The following DTNBP1 variants were observed in gnomAD, a reference collection of about 807,000 sequenced individuals.
DTNBP1 encodes dysbindin.
A neutral mutation model predicts 42.8 loss-of-function variants in DTNBP1; 35 were observed. That is an observed-to-expected ratio of 0.82 (90% CI 0.63 to 1.09). The LOEUF is 1.09. DTNBP1 is among the 50% of genes least tolerant of loss of function. The pLI is 0.00. For missense variants in DTNBP1, 457 were observed against 424.2 expected (o/e 1.08, Z -0.68); for synonymous variants, 171 against 162.2 (o/e 1.05, Z -0.41).
chr6:15,646,531 T>C (rs911167312), intron 3 of DTNBP1, among the ~76,000 whole-genome samples: 1 of 151,468 alleles, frequency 6.6e-6, no homozygotes, highest in African/African-American at 2.4e-5. Context: ...AAAATTCATA[T>C]GGAATCAAAA....
intron 7 of DTNBP1, among the ~76,000 whole-genome samples, chr6:15,567,130 C>T (rs921013596): frequency 3.9e-5 from 6 of 152,122 alleles, no homozygotes; most frequent in Admixed American, 1.3e-4. Context: ...AGCGTAGCCA[C>T]CTATGAGTCT....
chr6:15,606,295 C>T (rs184986611), intron 6 of DTNBP1, among the ~76,000 whole-genome samples: 11 of 152,296 alleles, frequency 7.2e-5, no homozygotes, highest in Non-Finnish European at 1.5e-4. Context: ...TGGGAACGTC[C>T]GTCAAATGAA....
At chr6:15,596,410 T>C (rs1776517331) in intron 6 of DTNBP1, among the ~76,000 whole-genome samples, 1 of 152,222 alleles carries the variant, frequency 6.6e-6, no homozygotes, top group African/African-American at 2.4e-5. Flanking sequence ...ATTTGGCTTC[T>C]GGACCCCCCA....
chr6:15,645,267 C>T (rs1013658343), intron 3 of DTNBP1, among the ~76,000 whole-genome samples: 8 of 151,568 alleles, frequency 5.3e-5, no homozygotes, highest in Middle Eastern at 3.4e-3. Context: ...TAACAAGTTA[C>T]GAAATTCAAT....
intron 7 of DTNBP1, among the ~76,000 whole-genome samples, chr6:15,588,951 T>C (rs1561977439): frequency 6.6e-6 from 1 of 152,246 alleles, no homozygotes; most frequent in Non-Finnish European, 1.5e-5. Context: ...AATTATATAT[T>C]TGCCTTTCTA....
At chr6:15,551,666 C>T (rs755752196) in intron 7 of DTNBP1, among the ~76,000 whole-genome samples, 1 of 152,166 alleles carries the variant, frequency 6.6e-6, no homozygotes, top group Non-Finnish European at 1.5e-5. Flanking sequence ...CCATTGCTAC[C>T]ACACACTTGC....
chr6:15,552,955 A>G (rs1774295821), intron 7 of DTNBP1, among the ~76,000 whole-genome samples: 2 of 152,250 alleles, frequency 1.3e-5, no homozygotes, highest in Admixed American at 6.5e-5. Flanking sequence ...GTAAGAGGGT[A>G]TAAGATTCAG....
chr6:15,600,237 T>C (rs1221939844), intron 6 of DTNBP1, among the ~76,000 whole-genome samples: 12 of 152,188 alleles, frequency 7.9e-5, no homozygotes, highest in Admixed American at 7.9e-4. Flanking sequence ...GGCAGTTTAC[T>C]ATCAAAGATA....
At chr6:15,570,119 T>TGTTG (rs1291601157) in intron 7 of DTNBP1, among the ~76,000 whole-genome samples, 5 of 151,778 alleles carry the variant, frequency 3.3e-5, no homozygotes, top group Admixed American at 2.0e-4. Flanking sequence ...GTGCCTGGCA[T>TGTTG]ACAGTGGACA....
chr6:15,552,012 A>G (rs1181146021), intron 7 of DTNBP1, among the ~76,000 whole-genome samples: 1 of 152,180 alleles, frequency 6.6e-6, no homozygotes, highest in Non-Finnish European at 1.5e-5. Context: ...ATGCCATTCT[A>G]TGGGCTGGAA....
At chr6:15,580,333 A>C (rs1168537250) in intron 7 of DTNBP1, among the ~76,000 whole-genome samples, 1 of 152,234 alleles carries the variant, frequency 6.6e-6, no homozygotes, top group African/African-American at 2.4e-5. Context: ...AGACATTGCT[A>C]ATGAAAGTAT....
At chr6:15,567,723 G>A (rs958398478) in intron 7 of DTNBP1, among the ~76,000 whole-genome samples, 3 of 152,070 alleles carry the variant, frequency 2.0e-5, no homozygotes, top group African/African-American at 4.8e-5. Context: ...AACCACTTTG[G>A]GCACATGTCC....
intron 9 of DTNBP1, chr6:15,523,490 G>C: frequency 7.8e-7 from 1 of 1,282,286 alleles, no homozygotes; most frequent in Non-Finnish European, 1.0e-6. Context: ...TAATACGCGT[G>C]TAATAGAGGC....
intron 9 of DTNBP1, 140 bp from the exon 10 acceptor site, chr6:15,523,359 G>A: frequency 2.2e-6 from 3 of 1,345,940 alleles, no homozygotes; most frequent in Non-Finnish European, 3.1e-6. Context: ...GCAGAACTTG[G>A]GAACTGCCCT....
chr6:15,639,777 T>G (rs1422302704), intron 3 of DTNBP1, among the ~76,000 whole-genome samples: 2 of 152,246 alleles, frequency 1.3e-5, no homozygotes, highest in Non-Finnish European at 2.9e-5. Flanking sequence ...AGAGACACAT[T>G]AAATGTCTGT....
chr6:15,661,380 C>G (rs60150023), intron 1 of DTNBP1, among the ~76,000 whole-genome samples: 392 of 36,954 alleles, frequency 0.011, 1 homozygote, highest in African/African-American at 0.039. Context: ...GGAGGGTGGG[C>G]CGGGAACGGT....
chr6:15,550,740 C>T (rs983906394), intron 7 of DTNBP1, among the ~76,000 whole-genome samples: 2 of 152,226 alleles, frequency 1.3e-5, no homozygotes, highest in African/African-American at 4.8e-5. Context: ...CCTCCTTCCA[C>T]CAGGAGTCCT....
At chr6:15,536,905 G>A (rs988485720) in intron 7 of DTNBP1, among the ~76,000 whole-genome samples, 1 of 152,234 alleles carries the variant, frequency 6.6e-6, no homozygotes, top group Non-Finnish European at 1.5e-5. Flanking sequence ...AGTCAGAGGA[G>A]ATTATTTTGG....
At chr6:15,590,286 T>C (rs1038483475) in intron 7 of DTNBP1, among the ~76,000 whole-genome samples, 2 of 152,194 alleles carry the variant, frequency 1.3e-5, no homozygotes, top group African/African-American at 2.4e-5. Context: ...AAACAGCTCT[T>C]TCAGGTCACC....
Sources: gnomAD v4.1 joint callset for allele counts (sites outside exome capture counted in the v4.1 genomes callset) on GRCh38, gnomAD v4.1.1 for gene constraint, MANE v1.5 for transcripts, NCBI Gene and HGNC (gene_info 2026-07-23, HGNC 2026-07-21) for gene names.